ADORA2B: variants seen among roughly 807,000 people sequenced by gnomAD.
ADORA2B encodes adenosine A2b receptor, also known as adenosine receptor A2b.
Under a neutral mutation model 20.8 loss-of-function variants are expected in ADORA2B, and 18 were observed. The ratio of observed to expected loss-of-function variants is 0.87; its 90% CI spans 0.60 to 1.29. ADORA2B has a LOEUF of 1.29. Among genes scored for constraint, ADORA2B ranks in the 50% most tolerant of loss-of-function variants. The pLI, the probability that ADORA2B is intolerant of heterozygous loss-of-function variation, is 0.00. For missense variants in ADORA2B, 441 were observed against 422.7 expected (o/e 1.04, Z -0.38); for synonymous variants, 179 against 178.3 (o/e 1.00, Z -0.03).
the ADORA2B span, among the ~76,000 whole-genome samples, chr17:15,867,295 G>A: frequency 6.6e-6 from 1 of 152,116 alleles, no homozygotes; most frequent in Non-Finnish European, 1.5e-5. Flanking sequence ...AGTCTGGAAA[G>A]TGAGGAGCAT....
chr17:15,975,056 T>C lies in ADORA2B; in HGVS notation c.713T>C (p.Met238Thr), dbSNP rs1474839606. ...REIHAAKSLA[M>T]IVGIFALCWL... is the part of the protein sequence containing the mutation. The stretch of plus-strand genomic sequence containing the variant: ...ATCCATGCAGCCAAGTCACTGGCCA[T>C]GATTGTGGGGATTTTTGCCCTGTGC... The change falls in exon 2 of 2, where the codon ATG becomes ACG. Residue 238 changes from methionine (M) to threonine (T), a missense_variant. Physicochemically the swap from Met to Thr is moderately conservative, Grantham distance 81. Transcript: ENST00000304222. The C allele has an allele frequency of 1.2e-6, 2 of 1,614,162 alleles. No individual in the cohort carries two copies. The highest frequency in any genetic ancestry group is 2.2e-5 in the East Asian group (1 of 44,884).
chr17:15,965,146 T>C (rs1193270516), intron 1 of ADORA2B, among the ~76,000 whole-genome samples: 2 of 152,174 alleles, frequency 1.3e-5, no homozygotes, highest in African/African-American at 4.8e-5. Context: ...CATAACAATA[T>C]CCCCTCTTAT....
At chr17:15,912,654 T>A in the ADORA2B span, among the ~76,000 whole-genome samples, 3 of 152,230 alleles carry the variant, frequency 2.0e-5, no homozygotes, top group Non-Finnish European at 4.4e-5. Flanking sequence ...TCTGATCACC[T>A]GCAGCTGTCT....
the ADORA2B span, among the ~76,000 whole-genome samples, chr17:15,882,112 G>A: frequency 6.6e-6 from 1 of 152,186 alleles, no homozygotes; most frequent in Non-Finnish European, 1.5e-5. Context: ...TTGGTTGCCA[G>A]CAATGTGGGC....
the ADORA2B span, among the ~76,000 whole-genome samples, chr17:15,856,875 A>C: frequency 6.6e-6 from 1 of 152,254 alleles, no homozygotes; most frequent in Admixed American, 6.5e-5. Flanking sequence ...ATGAAAAACC[A>C]ACTTTCTGAA....
chr17:15,893,946 C>T, the ADORA2B span, among the ~76,000 whole-genome samples: 1 of 152,214 alleles, frequency 6.6e-6, no homozygotes, highest in Non-Finnish European at 1.5e-5. Context: ...AGGCCTTCAA[C>T]ACTTTGTAAA....
chr17:15,933,724 G>A, the ADORA2B span, among the ~76,000 whole-genome samples: 2 of 151,636 alleles, frequency 1.3e-5, no homozygotes, highest in African/African-American at 4.8e-5. Context: ...GATCTCTTAG[G>A]GTTTTCTATA....
chr17:15,866,698 C>CCGCGGCCG, the ADORA2B span, among the ~76,000 whole-genome samples: 1 of 151,476 alleles, frequency 6.6e-6, no homozygotes, highest in African/African-American at 2.4e-5. Flanking sequence ...TCTGCCTCTG[C>CCGCGGCCG]CTCTGCCGCT....
chr17:15,876,449 CTTTTTTTT>C, the ADORA2B span, among the ~76,000 whole-genome samples: 6 of 119,300 alleles, frequency 5.0e-5, no homozygotes, highest in African/African-American at 1.6e-4. Flanking sequence ...TTTCTTTTTT[CTTTTTTTT>C]TTTTTTTGTC....
chr17:15,925,202 A>AT, the ADORA2B span, among the ~76,000 whole-genome samples: 1 of 151,952 alleles, frequency 6.6e-6, no homozygotes, highest in Non-Finnish European at 1.5e-5. Flanking sequence ...TGCCTGGCTA[A>AT]TTTTTGTATT....
the ADORA2B span, among the ~76,000 whole-genome samples, chr17:15,937,079 C>T: frequency 6.6e-6 from 1 of 152,110 alleles, no homozygotes; most frequent in Admixed American, 6.5e-5. Flanking sequence ...TGTATGTGGG[C>T]CATATTTTCC....
chr17:15,897,384 A>G, the ADORA2B span, among the ~76,000 whole-genome samples: 2 of 152,192 alleles, frequency 1.3e-5, no homozygotes, highest in Admixed American at 1.3e-4. Context: ...TCTGGGCAAC[A>G]TAGCAAGACG....
intron 1 of ADORA2B, among the ~76,000 whole-genome samples, chr17:15,966,068 T>C (rs1970111693): frequency 1.3e-5 from 2 of 152,260 alleles, no homozygotes; most frequent in Admixed American, 1.3e-4. Context: ...ACAGAAGTCC[T>C]GTTAATATGT....
At chr17:15,898,568 C>T in the ADORA2B span, among the ~76,000 whole-genome samples, 2 of 151,698 alleles carry the variant, frequency 1.3e-5, no homozygotes, top group African/African-American at 2.4e-5. Flanking sequence ...GGGGTTTCAC[C>T]ATGTTGGCCA....
chr17:15,870,890 GC>G, the ADORA2B span, among the ~76,000 whole-genome samples: 1 of 152,232 alleles, frequency 6.6e-6, no homozygotes, highest in Non-Finnish European at 1.5e-5. Flanking sequence ...AATAGCAGAT[GC>G]GCGGCACTGT....
At chr17:15,917,334 G>A in the ADORA2B span, among the ~76,000 whole-genome samples, 7 of 152,210 alleles carry the variant, frequency 4.6e-5, no homozygotes, top group Non-Finnish European at 8.8e-5. Context: ...CTTGAAGAGG[G>A]GGCTAGGCGG....
chr17:15,862,466 C>G, the ADORA2B span, among the ~76,000 whole-genome samples: 1 of 152,082 alleles, frequency 6.6e-6, no homozygotes, highest in East Asian at 1.9e-4. Flanking sequence ...CCACTTCAGC[C>G]TCCCAAAACG....
chr17:15,946,754 G>A (rs893308871), intron 1 of ADORA2B, among the ~76,000 whole-genome samples: 2 of 152,152 alleles, frequency 1.3e-5, no homozygotes, highest in Admixed American at 6.5e-5. Flanking sequence ...ATCAGGGATG[G>A]GTGTCAGAGC....
chr17:15,951,436 A>G lies in ADORA2B; in HGVS notation c.335+5853A>G, dbSNP rs1191160397. On this transcript the variant is annotated intron_variant, in intron 1 of 1. Coordinates refer to ENST00000304222, the MANE Select transcript of ADORA2B (RefSeq NM_000676.4). Reference sequence around the variant, plus strand: ...TGCATCAGGGCATCACCCAAGCCTGAGTGTTACTTTGCTGTCATTTGTCCT... The same window carrying G: ...TGCATCAGGGCATCACCCAAGCCTGGGTGTTACTTTGCTGTCATTTGTCCT... Among the ~76,000 whole-genome samples, 3 of 152,286 alleles carry G rather than the reference A, an allele frequency of 2.0e-5. No individual in the cohort carries two copies. In the East Asian group the frequency reaches 5.8e-4, roughly 30 times the overall value.
Sources: allele counts gnomAD v4.1 joint callset (sites outside exome capture counted in the v4.1 genomes callset), GRCh38; gene constraint gnomAD v4.1.1; transcripts MANE v1.5; gene names NCBI Gene and HGNC (gene_info 2026-07-23, HGNC 2026-07-21).